The following SULT4A1 variants were observed in gnomAD, a reference collection of about 807,000 sequenced individuals.
The protein encoded by SULT4A1 is sulfotransferase 4A1.
Under a neutral mutation model 35.2 loss-of-function variants are expected in SULT4A1, and 11 were observed. That is an observed-to-expected ratio of 0.31 (90% CI 0.20 to 0.52). The LOEUF (loss-of-function observed/expected upper bound fraction) is 0.52. SULT4A1 is among the 20% of genes least tolerant of loss of function. The pLI, the probability that SULT4A1 is intolerant of heterozygous loss-of-function variation, is 0.97. For synonymous variants in SULT4A1, 152 were observed against 151.8 expected, an observed-to-expected ratio of 1.00 and a Z score of -0.01; for missense variants, 271 against 383.7, an observed-to-expected ratio of 0.71 and a Z score of 2.45.
intron 6 of SULT4A1, chr22:43,828,695 A>T: frequency 4.6e-6 from 1 of 215,642 alleles, no homozygotes; most frequent in Non-Finnish European, 9.1e-6. Flanking sequence ...GCGCTTTGAC[A>T]TGTCATAGCA....
At chr22:43,860,415 C>A (rs1010440306) in intron 1 of SULT4A1, among the ~76,000 whole-genome samples, 1 of 152,216 alleles carries the variant, frequency 6.6e-6, no homozygotes, top group Non-Finnish European at 1.5e-5. Context: ...GCCTTTCCAG[C>A]GTGTGTCTGG....
Position 43,852,379 on chromosome 22 carries a change from A to G in SULT4A1, c.169+9835T>C, listed in dbSNP as rs1478969137. ...TTTTTGTAGAGATGGGGGTCTCCCT[A>G]TGTTGCCCAGACGGTCTTGAACTCC... On this transcript the variant is annotated intron_variant, in intron 1 of 6. Transcript: ENST00000330884. Among the ~76,000 whole-genome samples, 4 of 149,694 alleles carry G rather than the reference A, an allele frequency of 2.7e-5. No individual in the cohort carries two copies. In the Middle Eastern group the frequency reaches 0.011, roughly 395 times the overall value.
intron 4 of SULT4A1, among the ~76,000 whole-genome samples, chr22:43,838,596 C>A (rs969376029): frequency 6.6e-6 from 1 of 152,258 alleles, no homozygotes; most frequent in Non-Finnish European, 1.5e-5. Flanking sequence ...GATGTTTTAA[C>A]TGGGGAACTT....
At chr22:43,857,349 C>T (rs1448252158) in intron 1 of SULT4A1, among the ~76,000 whole-genome samples, 2 of 119,644 alleles carry the variant, frequency 1.7e-5, no homozygotes, top group Non-Finnish European at 3.2e-5. Context: ...CCAGTCTGAG[C>T]AGCACAGTGA....
chr22:43,851,985 G>A (rs534116520), intron 1 of SULT4A1, among the ~76,000 whole-genome samples: 85 of 152,240 alleles, frequency 5.6e-4, no homozygotes, highest in African/African-American at 1.9e-3. Flanking sequence ...AATCCACCAC[G>A]CCCTCCTCTC....
chr22:43,862,068 A>C, intron 1 of SULT4A1, 146 bp downstream of exon 1: 4 of 162,452 alleles, frequency 2.5e-5, no homozygotes, highest in Non-Finnish European at 3.6e-5. Flanking sequence ...GGATCCGAGC[A>C]TCGGGAGAGC....
intron 1 of SULT4A1, among the ~76,000 whole-genome samples, chr22:43,853,234 G>C (rs2148303353): frequency 6.6e-6 from 1 of 152,256 alleles, no homozygotes; most frequent in South Asian, 2.1e-4. Context: ...CACAAAGCAA[G>C]TGAGCAGCGA....
intron 2 of SULT4A1, among the ~76,000 whole-genome samples, chr22:43,840,595 C>A (rs1021186149): frequency 6.6e-6 from 1 of 152,198 alleles, no homozygotes; most frequent in African/African-American, 2.4e-5. Flanking sequence ...GCAGAGGCAG[C>A]AGGAGGCACC....
intron 3 of SULT4A1, among the ~76,000 whole-genome samples, chr22:43,839,315 C>T (rs1045255896): frequency 5.3e-5 from 8 of 152,234 alleles, no homozygotes; most frequent in South Asian, 4.1e-4. Context: ...GGCCTCTGGC[C>T]GGGTGCGGTG....
chr22:43,841,140 C>A (rs1472861899), intron 2 of SULT4A1, among the ~76,000 whole-genome samples: 1 of 152,232 alleles, frequency 6.6e-6, no homozygotes, highest in African/African-American at 2.4e-5. Flanking sequence ...ACAAGGAGAG[C>A]AAAATGGCCG....
chr22:43,852,179 G>C (rs2049348809), intron 1 of SULT4A1, among the ~76,000 whole-genome samples: 1 of 152,054 alleles, frequency 6.6e-6, no homozygotes, highest in Non-Finnish European at 1.5e-5. Flanking sequence ...AACAGCAACA[G>C]CTAGACTTTT....
intron 1 of SULT4A1, among the ~76,000 whole-genome samples, chr22:43,850,355 T>A (rs1024388644): frequency 6.6e-6 from 1 of 152,244 alleles, no homozygotes; most frequent in African/African-American, 2.4e-5. Context: ...GCAGCACGAT[T>A]TTGGATTTAA....
intron 6 of SULT4A1, among the ~76,000 whole-genome samples, chr22:43,828,211 C>G (rs771480292): frequency 6.6e-6 from 1 of 152,234 alleles, no homozygotes; most frequent in African/African-American, 2.4e-5. Flanking sequence ...CAAACATTCT[C>G]AACCCAGGAA....
At chr22:43,845,166 C>T (rs1041918210) in intron 1 of SULT4A1, among the ~76,000 whole-genome samples, 4 of 152,210 alleles carry the variant, frequency 2.6e-5, no homozygotes, top group Non-Finnish European at 4.4e-5. Context: ...CCCTTCATAT[C>T]GGCGGCTCCA....
intron 1 of SULT4A1, among the ~76,000 whole-genome samples, chr22:43,852,819 GGACATGCT>G: frequency 6.6e-6 from 1 of 150,716 alleles, no homozygotes; most frequent in Admixed American, 6.6e-5. Context: ...CACCAGCTGA[GGACATGCT>G]GACAGAGACC....
rs1313540569 is a variant in SULT4A1 at position 43,826,319 on chromosome 22, G to A, written c.743-206C>T. The A allele has an allele frequency of 4.1e-6, 4 of 985,400 alleles. No homozygotes were observed. In the South Asian group the frequency reaches 1.9e-4, roughly 46 times the overall value. The allele number at this position is 985,400 out of a possible 1,614,324, so 61.0% of individuals were successfully genotyped here. On this transcript the variant is annotated intron_variant, in intron 6 of 6. Coordinates refer to ENST00000330884, the MANE Select transcript of SULT4A1 (RefSeq NM_014351.4). ...GAAACTACTGGATGCGGCAGAACATGACCTGAACCAGCTTCCCTCTGAGGC... is the reference window on the plus strand; with the variant it reads ...GAAACTACTGGATGCGGCAGAACATAACCTGAACCAGCTTCCCTCTGAGGC...
chr22:43,853,360 T>C (rs1407752692), intron 1 of SULT4A1, among the ~76,000 whole-genome samples: 2 of 152,202 alleles, frequency 1.3e-5, no homozygotes, highest in Non-Finnish European at 2.9e-5. Flanking sequence ...CCTCCACCCA[T>C]GACAGTGGCA....
chr22:43,833,913 G>A (rs2071886), intron 4 of SULT4A1, among the ~76,000 whole-genome samples, 179 bp from the exon 5 acceptor site: 30,868 of 152,202 alleles, frequency 0.2, 3,784 homozygotes, highest in East Asian at 0.49. Context: ...AGCCATCCCA[G>A]CCCTCCCGCC....
chr22:43,853,122 G>C (rs1259905918), intron 1 of SULT4A1, among the ~76,000 whole-genome samples: 4 of 151,078 alleles, frequency 2.6e-5, no homozygotes, highest in African/African-American at 7.3e-5. Flanking sequence ...ACCAGACACA[G>C]ACCACGTGCA....
Sources: allele counts gnomAD v4.1 joint callset (sites outside exome capture counted in the v4.1 genomes callset), GRCh38; gene constraint gnomAD v4.1.1; transcripts MANE v1.5; gene names NCBI Gene and HGNC (gene_info 2026-07-23, HGNC 2026-07-21).